The following TBCD variants were observed in gnomAD, a reference collection of about 807,000 sequenced individuals.
The protein encoded by TBCD is tubulin-specific chaperone D.
In TBCD, 105 loss-of-function variants were observed where a neutral mutation model predicts 169.3. That is an observed-to-expected ratio of 0.62 (90% CI 0.53 to 0.73). TBCD has a LOEUF of 0.73. Among genes scored for constraint, TBCD ranks in the 30% least tolerant of loss-of-function variants. TBCD has a pLI of 0.00. For synonymous variants in TBCD, 700 were observed against 643.9 expected (o/e 1.09, Z -1.32); for missense variants, 1,444 against 1,600.1 (o/e 0.90, Z 1.66).
At chr17:82,873,799 G>A (rs1024400837) in intron 14 of TBCD, among the ~76,000 whole-genome samples, 103 of 152,300 alleles carry the variant, frequency 6.8e-4, no homozygotes, top group African/African-American at 2.4e-3. Flanking sequence ...GGCGCCGCTC[G>A]GTGGCCTGCT....
chr17:82,906,592 T>TA (rs1361292589), intron 20 of TBCD, among the ~76,000 whole-genome samples: 2 of 152,274 alleles, frequency 1.3e-5, no homozygotes, highest in East Asian at 1.9e-4. Flanking sequence ...ACTGTCGTCT[T>TA]ACGTTTCTTC....
At chr17:82,927,059 C>T in intron 28 of TBCD, 127 bp from the exon 29 acceptor site, 2 of 1,325,626 alleles carry the variant, frequency 1.5e-6, no homozygotes, top group Non-Finnish European at 2.1e-6. Flanking sequence ...TGTTTCTGAT[C>T]TACCCGAGGG....
At chr17:82,914,652 A>G (rs967870532) in intron 23 of TBCD, among the ~76,000 whole-genome samples, 1 of 151,774 alleles carries the variant, frequency 6.6e-6, no homozygotes, top group Non-Finnish European at 1.5e-5. Context: ...GGCTGCCTGC[A>G]CTCCCCAGCC....
chr17:82,774,167 C>T (rs895432722), intron 6 of TBCD, among the ~76,000 whole-genome samples: 1 of 151,690 alleles, frequency 6.6e-6, no homozygotes, highest in Admixed American at 6.6e-5. Context: ...GAACAAAGGT[C>T]TCTGGTTTTC....
chr17:82,780,655 T>TTTA (rs1311039817), intron 6 of TBCD, among the ~76,000 whole-genome samples: 1 of 147,498 alleles, frequency 6.8e-6, no homozygotes, highest in Non-Finnish European at 1.5e-5. Context: ...CTTTTTTTTT[T>TTTA]TTTTTTTGAG....
At position 82,944,747 on chromosome 17, in the gene TBCD, T is replaced by A. The variant is rs2063563949; in HGVS notation, c.*2284T>A. On this transcript the variant is annotated 3_prime_UTR_variant, in exon 39 of 39. Coordinates refer to ENST00000355528, the MANE Select transcript of TBCD (RefSeq NM_005993.5). ...AGGTGCTAACCAGAAACCCTCCATG[T>A]GAGAGCAGAGACCTTGGAGATCCTG... is the stretch of plus-strand genomic sequence containing the variant. 6.6e-6 allele frequency: 1 copy of A among 152,226 alleles called. No homozygotes were observed. The highest frequency in any genetic ancestry group is 6.5e-5 in the Admixed American group (1 of 15,282). The allele number at this position is 152,226 out of a possible 1,614,324, so 9.4% of individuals were successfully genotyped here.
Position 82,781,557 on chromosome 17 carries a change from G to A in TBCD, c.639-32G>A, listed in dbSNP as rs376579436. The A allele has an allele frequency of 3.2e-4, 512 of 1,612,056 alleles. 1 individual carries two copies. Among genetic ancestry groups the A allele is most frequent in the Non-Finnish European group, 4.2e-4 (492 of 1,179,420 alleles). On this transcript the variant is annotated intron_variant, in intron 6 of 38. Coordinates refer to ENST00000355528, the MANE Select transcript of TBCD (RefSeq NM_005993.5). ...GAGGCGTGGGCGAGGTCTCAGTGCT[G>A]AGGCCTTGGTTGAGCTGTATCCTTT...
intron 17 of TBCD, among the ~76,000 whole-genome samples, chr17:82,899,664 T>A (rs1460117859): frequency 6.6e-6 from 1 of 152,208 alleles, no homozygotes; most frequent in Non-Finnish European, 1.5e-5. Flanking sequence ...AGATAAAGAG[T>A]TAGAATTTTT....
rs185656982 is a variant in TBCD at position 82,815,041 on chromosome 17, C to T, written c.1318+107C>T. The T allele has an allele frequency of 2.8e-3, 4,234 of 1,512,358 alleles. 12 individuals carry two copies. Among genetic ancestry groups the T allele is most frequent in the Admixed American group, 4.8e-3 (241 of 50,704 alleles). 93.7% of individuals were successfully genotyped at this position (1,512,358 alleles called of 1,614,324 possible). A position where few individuals can be genotyped will look rare whatever the true frequency, so the allele number is the denominator to read the frequency against. On this transcript the variant is annotated intron_variant, in intron 13 of 38. Transcript: ENST00000355528. ...TCGTGGATGGTGAGTAGCTGAAGCA[C>T]GGTCAGCTGCGTCACCAGGCTGTCC...
intron 17 of TBCD, among the ~76,000 whole-genome samples, chr17:82,894,526 C>T (rs2059352653): frequency 6.6e-6 from 1 of 152,240 alleles, no homozygotes; most frequent in South Asian, 2.1e-4. Flanking sequence ...TCTCCGTCAC[C>T]AGCCTGGGCA....
chr17:82,896,625 C>T (rs374251158), intron 17 of TBCD, among the ~76,000 whole-genome samples: 3 of 151,974 alleles, frequency 2.0e-5, no homozygotes, highest in East Asian at 1.9e-4. Flanking sequence ...GCCACCACGC[C>T]CGGCTAATTT....
intron 17 of TBCD, among the ~76,000 whole-genome samples, chr17:82,897,219 T>A (rs959537773): frequency 3.3e-5 from 5 of 151,630 alleles, no homozygotes; most frequent in Admixed American, 6.6e-5. Context: ...AAAGCCTTTT[T>A]AAAAAAAAAT....
chr17:82,805,462 C>T (rs901089375), intron 9 of TBCD, among the ~76,000 whole-genome samples: 2 of 152,182 alleles, frequency 1.3e-5, no homozygotes, highest in African/African-American at 4.8e-5. Flanking sequence ...GACGCAGCAC[C>T]TGGTGATGAA....
At position 82,942,651 on chromosome 17, in the gene TBCD, C is replaced by T; in HGVS notation, c.*188C>T. On this transcript the variant is annotated 3_prime_UTR_variant, in exon 39 of 39. Transcript: ENST00000355528. ...GCGCTCTGGTGACTTGGGGTGGACG[C>T]CTCTGCCTTCACTTGAACACAAATG... The T allele has an allele frequency of 1.5e-6, 1 of 672,642 alleles. No homozygotes were observed. Among genetic ancestry groups the T allele is most frequent in the Non-Finnish European group, 2.6e-6 (1 of 387,856 alleles). The allele number at this position is 672,642 out of a possible 1,614,324, so 41.7% of individuals were successfully genotyped here.
chr17:82,829,015 C>T (rs2053223781), intron 13 of TBCD, among the ~76,000 whole-genome samples: 1 of 140,104 alleles, frequency 7.1e-6, no homozygotes, highest in Non-Finnish European at 1.6e-5. Context: ...GTACACACCC[C>T]CGCAGATATG....
At chr17:82,883,370 C>T (rs1328685995) in intron 14 of TBCD, among the ~76,000 whole-genome samples, 1 of 152,272 alleles carries the variant, frequency 6.6e-6, no homozygotes, top group Non-Finnish European at 1.5e-5. Flanking sequence ...CACCCTGCCC[C>T]AAACCCCCTG....
chr17:82,938,265 G>A, intron 36 of TBCD, 129 bp downstream of exon 36: 1 of 1,029,936 alleles, frequency 9.7e-7, no homozygotes, highest in Non-Finnish European at 1.4e-6. Flanking sequence ...ACGCGCCTGG[G>A]TGACGACGCG....
intron 13 of TBCD, chr17:82,858,691 T>A: frequency 1.0e-6 from 1 of 977,410 alleles, no homozygotes; most frequent in East Asian, 1.1e-4. Context: ...GTTTTCCTTG[T>A]ACTTACCTTC....
Position 82,860,301 on chromosome 17 carries a change from G to A in TBCD, c.1319-9923G>A, listed in dbSNP as rs367986015. On this transcript the variant is annotated intron_variant, in intron 13 of 38. Transcript: ENST00000355528. ...GGAGGGCCCCCGCCCCCTGCATGGC[G>A]GTCACGCTGCGCTGAGCGTCCCCTC... is the stretch of plus-strand genomic sequence containing the variant. 2.4e-4 allele frequency: 225 copies of A among 925,604 alleles called. 1 individual carries two copies. The Middle Eastern group carries it at 3.9e-3, about 16-fold the overall frequency. 57.3% of individuals were successfully genotyped at this position (925,604 alleles called of 1,614,324 possible). A position where few individuals can be genotyped will look rare whatever the true frequency, so the allele number is the denominator to read the frequency against.
Sources: gnomAD v4.1 joint callset for allele counts (sites outside exome capture counted in the v4.1 genomes callset) on GRCh38, gnomAD v4.1.1 for gene constraint, MANE v1.5 for transcripts, NCBI Gene and HGNC (gene_info 2026-07-23, HGNC 2026-07-21) for gene names.